USP50: variants seen among roughly 807,000 people sequenced by gnomAD.
USP50 encodes the protein ubiquitin specific peptidase 50.
In USP50, 37 loss-of-function variants were observed where a neutral mutation model predicts 39.2. The observed-to-expected ratio is 0.94, with a 90% CI of 0.73 to 1.24. The LOEUF (loss-of-function observed/expected upper bound fraction) is 1.24. Ranked by LOEUF, USP50 falls within the 50% of genes most tolerant of loss-of-function variation. USP50 has a pLI of 0.00. For missense variants in USP50, 374 were observed against 398.2 expected (o/e 0.94, Z 0.52); for synonymous variants, 139 against 144.5 (o/e 0.96, Z 0.27).
rs1387324983 is a variant in USP50, at chr15:50,529,741, T to C, written c.936+56A>G. ...CAGGAGAAATAGGGATTCAAGCAGA[T>C]AATTCTGGAGTTTTCTTTAAAATTG... On this transcript the variant is annotated intron_variant, in intron 6 of 6. Coordinates refer to ENST00000532404, the MANE Select transcript of USP50 (RefSeq NM_203494.5). 6 of 1,571,742 alleles carry C rather than the reference T, an allele frequency of 3.8e-6. No individual in the cohort carries two copies. The African/African-American group carries it at 8.2e-5, about 21-fold the overall frequency.
chr15:50,499,388 C>CTT, downstream of USP50: 1 of 197,928 alleles, frequency 5.1e-6, no homozygotes, highest in Non-Finnish European at 1.0e-5. Flanking sequence ...CTATTGTTAT[C>CTT]TTTTTTTTTT....
intron 5 of USP50, among the ~76,000 whole-genome samples, chr15:50,538,505 T>C (rs1034698509): frequency 6.6e-6 from 1 of 152,118 alleles, no homozygotes; most frequent in Admixed American, 6.6e-5. Flanking sequence ...ATAATTAATG[T>C]CAATGAATTG....
At chr15:50,519,701 C>T (rs1037379669) in intron 6 of USP50, among the ~76,000 whole-genome samples, 1 of 151,322 alleles carries the variant, frequency 6.6e-6, no homozygotes, top group Non-Finnish European at 1.5e-5. Flanking sequence ...GGCAAAAGAG[C>T]GAGACTCCGT....
At chr15:50,523,199 G>T in intron 6 of USP50, among the ~76,000 whole-genome samples, 1 of 74,196 alleles carries the variant, frequency 1.3e-5, no homozygotes, top group African/African-American at 5.2e-5. Flanking sequence ...TTTTTGGTGA[G>T]ACAGGGTCTT....
At position 50,538,218 on chromosome 15, in the gene USP50, A is replaced by G. The variant is rs530886054; in HGVS notation, c.803+491T>C. Among the ~76,000 whole-genome samples the G allele has an allele frequency of 1.4e-4, 19 of 138,210 alleles. 1 individual carries two copies. In the South Asian group the frequency reaches 4.5e-3, roughly 33 times the overall value. The allele number at this position is 138,210 out of a possible 152,430, so 90.7% of individuals were successfully genotyped here. Reference sequence around the variant, plus strand: ...CTTGAACCTGGGAGGTGGAGGTTGCAGTGAGCTGAGATCACATCACTGCAC... The same window carrying G: ...CTTGAACCTGGGAGGTGGAGGTTGCGGTGAGCTGAGATCACATCACTGCAC... On this transcript the variant is annotated intron_variant, in intron 5 of 6. Coordinates refer to ENST00000532404, the MANE Select transcript of USP50 (RefSeq NM_203494.5).
At position 50,528,628 on chromosome 15, in the gene USP50, A is replaced by C. The variant is rs556314725; in HGVS notation, c.936+1169T>G. Among the ~76,000 whole-genome samples, 8 of 152,346 alleles carry C rather than the reference A, an allele frequency of 5.3e-5. No individual in the cohort carries two copies. In the South Asian group the frequency reaches 1.7e-3, roughly 32 times the overall value. Reference sequence around the variant, plus strand: ...GAAGAGGATGCCACTCTAGATTCCCAAGCAAGGAAGTGAGAGAAGAAAAAC... The same window carrying C: ...GAAGAGGATGCCACTCTAGATTCCCCAGCAAGGAAGTGAGAGAAGAAAAAC... On this transcript the variant is annotated intron_variant, in intron 6 of 6. Transcript: ENST00000532404.
At chr15:50,495,487 G>GA (rs1555392695) in intron 1 of USP50, among the ~76,000 whole-genome samples, 2 of 123,770 alleles carry the variant, frequency 1.6e-5, no homozygotes, top group South Asian at 5.6e-4. Context: ...AGAGATTGGA[G>GA]GGGGGGGTCT....
chr15:50,514,977 AAGAG>A (rs1247175457), intron 6 of USP50, among the ~76,000 whole-genome samples: 3 of 148,772 alleles, frequency 2.0e-5, no homozygotes, highest in Middle Eastern at 3.4e-3. Context: ...GCCTGGGAAA[AAGAG>A]AGAGACACAG....
Position 50,500,748 on chromosome 15 carries a change from T to G in USP50, c.*21A>C. Reference sequence around the variant, plus strand: ...CAGAAGTATCTGGAATCTCACTGACTCGTGTGTTATCAAAGCTATATCAGG... The same window carrying G: ...CAGAAGTATCTGGAATCTCACTGACGCGTGTGTTATCAAAGCTATATCAGG... On this transcript the variant is annotated 3_prime_UTR_variant, in exon 7 of 7. Transcript: ENST00000532404. The G allele has an allele frequency of 1.3e-6, 2 of 1,574,146 alleles. No homozygotes were observed. Among genetic ancestry groups the G allele is most frequent in the Admixed American group, 3.7e-5 (2 of 53,754 alleles).
chr15:50,537,496 G>A (rs1263759786), intron 5 of USP50, among the ~76,000 whole-genome samples: 1 of 148,488 alleles, frequency 6.7e-6, no homozygotes, highest in East Asian at 2.0e-4. Context: ...ACTGTCAAGA[G>A]AATAAAAAAC....
chr15:50,538,273 C>CAAAAAAAA (rs766139797), intron 5 of USP50, among the ~76,000 whole-genome samples: 9 of 17,300 alleles, frequency 5.2e-4, no homozygotes, highest in Admixed American at 9.7e-4. Context: ...GAGACTGTCT[C>CAAAAAAAA]AAAAAAAAAA....
chr15:50,499,713 CTTTAA>C (rs1027301416), downstream of USP50: 5 of 151,696 alleles, frequency 3.3e-5, no homozygotes, highest in Non-Finnish European at 7.4e-5. Context: ...AAAATGGAAA[CTTTAA>C]TTTTTTTAAA....
At chr15:50,528,572 C>A (rs2052916912) in intron 6 of USP50, among the ~76,000 whole-genome samples, 2 of 152,142 alleles carry the variant, frequency 1.3e-5, no homozygotes, top group South Asian at 4.1e-4. Context: ...GTTCGGGAAT[C>A]TACATTAGAG....
At chr15:50,524,190 C>T (rs1312292027) in intron 6 of USP50, among the ~76,000 whole-genome samples, 2 of 152,128 alleles carry the variant, frequency 1.3e-5, no homozygotes, top group African/African-American at 4.8e-5. Context: ...AACATGGAGA[C>T]GCTACACAGC....
chr15:50,499,609 A>AACTT (rs1354947751), downstream of USP50: 1 of 152,082 alleles, frequency 6.6e-6, no homozygotes, highest in Non-Finnish European at 1.5e-5. Flanking sequence ...ATTTTGAGTT[A>AACTT]ACTTCAGTGC....
At chr15:50,535,159 AC>A (rs1692867755) in intron 5 of USP50, among the ~76,000 whole-genome samples, 6 of 152,152 alleles carry the variant, frequency 3.9e-5, no homozygotes, top group African/African-American at 1.4e-4. Flanking sequence ...ACACACACAC[AC>A]ACACAAAAAT....
chr15:50,538,437 T>G (rs928455150), intron 5 of USP50, among the ~76,000 whole-genome samples: 1 of 152,198 alleles, frequency 6.6e-6, no homozygotes, highest in Non-Finnish European at 1.5e-5. Context: ...TTACAGAGTT[T>G]CTGTGTGGGT....
At chr15:50,516,301 A>G (rs1420148155) in intron 6 of USP50, among the ~76,000 whole-genome samples, 1 of 152,104 alleles carries the variant, frequency 6.6e-6, no homozygotes, top group Non-Finnish European at 1.5e-5. Context: ...AATGGATAAA[A>G]CAAACAAACA....
In USP50 at chr15:50,538,851, C is replaced by T; in HGVS notation, c.661G>A (p.Asp221Asn). The T allele has an allele frequency of 1.3e-6, 2 of 1,594,290 alleles. No homozygotes were observed. The highest frequency in any genetic ancestry group is 1.7e-6 in the Non-Finnish European group (2 of 1,172,256). The change falls in exon 5 of 7, where the codon GAC becomes AAC. Residue 221 changes from aspartate (D) to asparagine (N), a missense_variant and splice_region_variant. Coordinates refer to ENST00000532404, the MANE Select transcript of USP50 (RefSeq NM_203494.5). ...TGTTGAAAAAAACATTGGAGACAGT[C>T]CTGTTAAGGAAAAAAAGGATTTGGT... ...IPSKYECSLR[D>N]CLQCFFQQDA...
Sources: allele counts gnomAD v4.1 joint callset (sites outside exome capture counted in the v4.1 genomes callset), GRCh38; gene constraint gnomAD v4.1.1; transcripts MANE v1.5; gene names NCBI Gene and HGNC (gene_info 2026-07-23, HGNC 2026-07-21).